Variants in DEAF1 observed in about 807,000 individuals in gnomAD.
DEAF1 encodes the protein deformed epidermal autoregulatory factor 1 homolog.
In DEAF1, 53 loss-of-function variants were observed where a neutral mutation model predicts 58.9. That is an observed-to-expected ratio of 0.90 (90% CI 0.72 to 1.13). The LOEUF is 1.13. Ranked by LOEUF, DEAF1 falls within the 50% of genes most tolerant of loss-of-function variation. The pLI is 0.00. For missense variants in DEAF1, 685 were observed against 791.4 expected (o/e 0.87, Z 1.61); for synonymous variants, 385 against 340.4 (o/e 1.13, Z -1.44).
intron 6 of DEAF1, among the ~76,000 whole-genome samples, chr11:681,520 C>T (rs1860371084): frequency 6.6e-6 from 1 of 151,386 alleles, no homozygotes; most frequent in South Asian, 2.1e-4. Flanking sequence ...ATGCCATTCT[C>T]CTGCCTCAAC....
Position 674,560 on chromosome 11 carries a change from G to T in DEAF1, c.1479C>A (p.Ile493=). The T allele has an allele frequency of 6.2e-7, 1 of 1,614,038 alleles. No homozygotes were observed. The highest frequency in any genetic ancestry group is 8.5e-7 in the Non-Finnish European group (1 of 1,180,022). Residue 493 remains isoleucine (I), a synonymous_variant, in exon 10 of 12, where the codon ATC becomes ATA. Coordinates refer to ENST00000382409, the MANE Select transcript of DEAF1 (RefSeq NM_021008.4). Reference sequence around the variant, plus strand: ...CCTCCTTCCGCTCTGCGTCAGCGTGGATCTTGGCCTGGTTTGTGGCAGCTT... The same window carrying T: ...CCTCCTTCCGCTCTGCGTCAGCGTGTATCTTGGCCTGGTTTGTGGCAGCTT... ...YREAATNQAK[I]HADAERKEQS... is the part of the protein sequence containing the mutation.
At chr11:691,027 A>G (rs1212933302) in intron 2 of DEAF1, among the ~76,000 whole-genome samples, 1 of 152,258 alleles carries the variant, frequency 6.6e-6, no homozygotes, top group Non-Finnish European at 1.5e-5. Context: ...CACAGACACT[A>G]TTTGAAATGC....
chr11:653,912 G>A (rs371658529), intron 11 of DEAF1, 50 bp downstream of exon 11: 64 of 1,558,438 alleles, frequency 4.1e-5, no homozygotes, highest in African/African-American at 6.8e-5. Flanking sequence ...AGGGGTCTTC[G>A]TAGCGAGGGA....
At position 654,043 on chromosome 11, in the gene DEAF1, G is replaced by A. The variant is rs10902188; in HGVS notation, c.1512C>T (p.Cys504=). 143,177 of 1,612,784 alleles carry A rather than the reference G, an allele frequency of 0.089. 7,246 individuals carry two copies. Among genetic ancestry groups the A allele is most frequent in the Admixed American group, 0.21 (12,459 of 59,926 alleles). The change falls in exon 11 of 12, where the codon TGC becomes TGT. Residue 504 remains cysteine (C), a synonymous_variant. Transcript: ENST00000382409. ...HADAERKEQS[C]VNCGREAMSE... ...TCATAGCCTCCCGGCCGCAGTTAAC[G>A]CAGGACTGCTGCAAGAAGGACACAA...
chr11:701,598 A>G (rs1279562804), intron 1 of DEAF1, among the ~76,000 whole-genome samples: 2 of 151,594 alleles, frequency 1.3e-5, no homozygotes, highest in Non-Finnish European at 2.9e-5. Context: ...TTTAGTAGAG[A>G]TGGGGTTTCA....
chr11:678,350 G>A lies in DEAF1; in HGVS notation c.1255+344C>T, dbSNP rs1451264270. On this transcript the variant is annotated intron_variant, in intron 9 of 11. Transcript: ENST00000382409. Reference sequence around the variant, plus strand: ...ACCGAATGTCTATGCCAGCTCTGGAGAGACCAAGACCTGCCACTGGGGAGT... The same window carrying A: ...ACCGAATGTCTATGCCAGCTCTGGAAAGACCAAGACCTGCCACTGGGGAGT... The A allele has an allele frequency of 8.5e-6, 3 of 353,146 alleles. No homozygotes were observed. In the Admixed American group the frequency reaches 1.2e-4, roughly 14 times the overall value. 21.9% of individuals were successfully genotyped at this position (353,146 alleles called of 1,614,324 possible). A position where few individuals can be genotyped will look rare whatever the true frequency, so the allele number is the denominator to read the frequency against.
rs778970025 is a variant in DEAF1, at chr11:694,949, T to TGCCGCG, written c.93_98dup (p.Ala32_Ala33dup). The TGCCGCG allele has an allele frequency of 7.0e-5, 80 of 1,140,450 alleles. No individual in the cohort carries two copies. Among genetic ancestry groups the TGCCGCG allele is most frequent in the Middle Eastern group, 3.7e-4 (1 of 2,708 alleles). 70.6% of individuals were successfully genotyped at this position (1,140,450 alleles called of 1,614,324 possible). A position where few individuals can be genotyped will look rare whatever the true frequency, so the allele number is the denominator to read the frequency against. On this transcript the variant is annotated inframe_insertion, in exon 1 of 12. Transcript: ENST00000382409. ...GCACCGGCTCCTCCGCCTCGCCTCC[T>TGCCGCG]GCCGCGGCCGCGGCCGCCGCCGCCA...
At chr11:705,297 G>C (rs28364668) in intron 1 of DEAF1, 99,422 of 156,678 alleles carry the variant, frequency 0.63, 33,300 homozygotes, top group African/African-American at 0.86. Context: ...CCTTCACCTC[G>C]TCCTCGTCCA....
chr11:657,380 A>C (rs1859107559), intron 10 of DEAF1, among the ~76,000 whole-genome samples: 1 of 152,210 alleles, frequency 6.6e-6, no homozygotes, highest in Admixed American at 6.5e-5. Flanking sequence ...AGCCGACGGC[A>C]GGAGCTCCCT....
chr11:646,109 C>T (rs964325193), intron 11 of DEAF1, among the ~76,000 whole-genome samples: 9 of 151,920 alleles, frequency 5.9e-5, no homozygotes, highest in South Asian at 4.2e-4. Flanking sequence ...AAAAACTAGC[C>T]GCCTGTGGTC....
chr11:662,262 A>G (rs1859351362), intron 10 of DEAF1, among the ~76,000 whole-genome samples: 1 of 152,190 alleles, frequency 6.6e-6, no homozygotes, highest in Non-Finnish European at 1.5e-5. Context: ...CAGCCTGGGC[A>G]ACAGAGCAAG....
chr11:694,100 G>A (rs1416338809), intron 1 of DEAF1, among the ~76,000 whole-genome samples: 1 of 152,168 alleles, frequency 6.6e-6, no homozygotes, highest in African/African-American at 2.4e-5. Context: ...GTGACCACAG[G>A]TGCCCACCCA....
intron 1 of DEAF1, among the ~76,000 whole-genome samples, chr11:694,028 C>T (rs771272010): frequency 6.6e-6 from 1 of 152,224 alleles, no homozygotes; most frequent in African/African-American, 2.4e-5. Context: ...AGGCTGCCCA[C>T]CCCTGGCTCC....
At chr11:650,373 CAAAAAAAA>C (rs796351710) in intron 11 of DEAF1, among the ~76,000 whole-genome samples, 5 of 22,250 alleles carry the variant, frequency 2.2e-4, no homozygotes, top group African/African-American at 7.2e-4. Context: ...CAGTCCGTCT[CAAAAAAAA>C]AAAAAAAAAA....
At chr11:692,116 C>T in intron 1 of DEAF1, 1 of 232,166 alleles carries the variant, frequency 4.3e-6, no homozygotes, top group Non-Finnish European at 8.7e-6. Context: ...GGTCTCTGAC[C>T]CCTTCCTCCT....
upstream of DEAF1, among the ~76,000 whole-genome samples, chr11:698,170 C>T (rs1329447152): frequency 6.6e-6 from 1 of 152,190 alleles, no homozygotes; most frequent in Non-Finnish European, 1.5e-5. Context: ...GGCCTGAGCC[C>T]TTTTCAGACA....
At chr11:661,961 G>C (rs1589983948) in intron 10 of DEAF1, among the ~76,000 whole-genome samples, 1 of 152,156 alleles carries the variant, frequency 6.6e-6, no homozygotes, top group East Asian at 1.9e-4. Context: ...TGCAGCCCAG[G>C]ATGGCTTTGC....
chr11:669,462 C>A lies in DEAF1; in HGVS notation c.1503+5074G>T, dbSNP rs150999856. Among the ~76,000 whole-genome samples the A allele has an allele frequency of 1.2e-3, 182 of 151,732 alleles. 2 individuals are homozygous for A. Among genetic ancestry groups the A allele is most frequent in the African/African-American group, 4.3e-3 (176 of 41,350 alleles). ...GACCAGCCTGACCTAAATGGTGAAA[C>A]CCTGTCTCTACTGAAAATACAAAAT... On this transcript the variant is annotated intron_variant, in intron 10 of 11. Coordinates refer to ENST00000382409, the MANE Select transcript of DEAF1 (RefSeq NM_021008.4).
chr11:687,777 T>A, intron 4 of DEAF1, 134 bp downstream of exon 4: 1 of 1,205,136 alleles, frequency 8.3e-7, no homozygotes, highest in Non-Finnish European at 1.2e-6. Context: ...ATTACAGGCA[T>A]CAGCCACCGC....
Sources: allele counts gnomAD v4.1 joint callset (sites outside exome capture counted in the v4.1 genomes callset), GRCh38; gene constraint gnomAD v4.1.1; transcripts MANE v1.5; gene names NCBI Gene and HGNC (gene_info 2026-07-23, HGNC 2026-07-21).